Variants in PRKN observed in about 807,000 individuals in gnomAD.
PRKN encodes the protein E3 ubiquitin-protein ligase parkin.
Under a neutral mutation model 59.5 loss-of-function variants are expected in PRKN, and 56 were observed. That is an observed-to-expected ratio of 0.94 (90% CI 0.76 to 1.18). PRKN has a LOEUF of 1.18. Among genes scored for constraint, PRKN ranks in the 50% most tolerant of loss-of-function variants. The pLI is 0.00. For synonymous variants in PRKN, 250 were observed against 222.1 expected (o/e 1.13, Z -1.12); for missense variants, 657 against 596.4 (o/e 1.10, Z -1.06).
chr6:161,845,192 T>A (rs1046676237), intron 6 of PRKN, among the ~76,000 whole-genome samples: 2 of 152,170 alleles, frequency 1.3e-5, no homozygotes, highest in Non-Finnish European at 2.9e-5. Flanking sequence ...ACCAAACAAC[T>A]AATTCTCTGA....
chr6:162,540,908 C>T (rs1778903181), intron 1 of PRKN, among the ~76,000 whole-genome samples: 1 of 151,890 alleles, frequency 6.6e-6, no homozygotes, highest in Non-Finnish European at 1.5e-5. Flanking sequence ...ATACAGAAAA[C>T]AATCTCTAAA....
chr6:161,688,012 A>G (rs1456363596), intron 7 of PRKN, among the ~76,000 whole-genome samples: 1 of 152,074 alleles, frequency 6.6e-6, no homozygotes, highest in Non-Finnish European at 1.5e-5. Flanking sequence ...CACAGAATGA[A>G]TTTTATTTCC....
chr6:162,284,055 GA>G (rs1294382770), intron 2 of PRKN, among the ~76,000 whole-genome samples: 2 of 151,936 alleles, frequency 1.3e-5, no homozygotes, highest in African/African-American at 4.8e-5. Flanking sequence ...ACAAATCTGA[GA>G]ACTTCATGAA....
At chr6:162,164,392 T>G (rs140000287) in intron 4 of PRKN, among the ~76,000 whole-genome samples, 1 of 148,162 alleles carries the variant, frequency 6.7e-6, no homozygotes, top group Non-Finnish European at 1.5e-5. Flanking sequence ...TGTATTTTAG[T>G]AGTGACGGTG....
intron 7 of PRKN, among the ~76,000 whole-genome samples, chr6:161,722,725 A>G (rs1787277012): frequency 2.0e-5 from 3 of 152,218 alleles, no homozygotes; most frequent in Non-Finnish European, 4.4e-5. Flanking sequence ...TGAGATAAAA[A>G]TGGTGTTTTA....
intron 5 of PRKN, among the ~76,000 whole-genome samples, chr6:162,024,529 C>T (rs1321626007): frequency 6.6e-6 from 1 of 152,146 alleles, no homozygotes; most frequent in African/African-American, 2.4e-5. Context: ...TTACATTTAC[C>T]ACTTTTTTGT....
intron 7 of PRKN, among the ~76,000 whole-genome samples, chr6:161,632,049 A>G (rs1021388373): frequency 1.3e-5 from 2 of 152,252 alleles, no homozygotes; most frequent in African/African-American, 4.8e-5. Context: ...TTCAAAGTGC[A>G]TTAAAATAAG....
intron 1 of PRKN, among the ~76,000 whole-genome samples, chr6:162,514,433 C>T (rs542926560): frequency 6.6e-6 from 1 of 152,274 alleles, no homozygotes; most frequent in South Asian, 2.1e-4. Flanking sequence ...TCAATGCATC[C>T]GTTCCTTCCA....
chr6:161,730,546 C>T (rs1387518021), intron 7 of PRKN, among the ~76,000 whole-genome samples: 2 of 151,188 alleles, frequency 1.3e-5, no homozygotes, highest in Non-Finnish European at 2.9e-5. Context: ...TGATGTGTTG[C>T]ATTCTGATAT....
At chr6:162,070,793 T>C (rs1479038596) in intron 4 of PRKN, among the ~76,000 whole-genome samples, 14 of 152,134 alleles carry the variant, frequency 9.2e-5, no homozygotes, top group Non-Finnish European at 1.3e-4. Flanking sequence ...CTGCCACTGA[T>C]TTGACAGGAG....
rs147896984 is a variant in PRKN, at chr6:162,196,538, G to A, written c.534+4593C>T. ...GCTTGCCAATTAGCTATTGTTCACC[G>A]TTTTCCAGTAAGCATTCATATTTCT... On this transcript the variant is annotated intron_variant, in intron 4 of 11. Coordinates refer to ENST00000366898, the MANE Select transcript of PRKN (RefSeq NM_004562.3). Among the ~76,000 whole-genome samples, 35 of 152,262 alleles carry A rather than the reference G, an allele frequency of 2.3e-4. 1 individual carries two copies. The highest frequency in any genetic ancestry group is 7.9e-4 in the African/African-American group (33 of 41,556).
chr6:162,205,417 T>C (rs894059740), intron 3 of PRKN, among the ~76,000 whole-genome samples: 2 of 152,130 alleles, frequency 1.3e-5, no homozygotes, highest in African/African-American at 4.8e-5. Flanking sequence ...GACAGGATAC[T>C]TAGGAAGAGT....
At chr6:161,441,122 G>A (rs571583960) in intron 9 of PRKN, among the ~76,000 whole-genome samples, 6 of 152,204 alleles carry the variant, frequency 3.9e-5, no homozygotes, top group South Asian at 2.1e-4. Context: ...GCCTATCTGC[G>A]GCACAAAACA....
intron 1 of PRKN, among the ~76,000 whole-genome samples, chr6:162,687,188 C>CTTTTTTTTT (rs749381380): frequency 7.4e-6 from 1 of 134,630 alleles, no homozygotes; most frequent in Non-Finnish European, 1.6e-5. Context: ...GCCTCTTTTT[C>CTTTTTTTTT]TTTTTTTTTT....
intron 7 of PRKN, among the ~76,000 whole-genome samples, chr6:161,703,437 T>C (rs1439179734): frequency 6.6e-6 from 1 of 152,200 alleles, no homozygotes; most frequent in Non-Finnish European, 1.5e-5. Flanking sequence ...CAGGTATCAC[T>C]ACATGCCCAT....
chr6:161,675,847 G>A (rs1465456167), intron 7 of PRKN, among the ~76,000 whole-genome samples: 1 of 152,224 alleles, frequency 6.6e-6, no homozygotes, highest in Non-Finnish European at 1.5e-5. Context: ...TGAAGATTGT[G>A]CTTTACATGT....
rs889301327 is a variant in PRKN at position 161,473,603 on chromosome 6, A to C, written c.1083+75251T>G. Reference sequence around the variant, plus strand: ...GGGAATTGTGGCAGAAAATGGGGAGATATGGGTCAAAGCATACAAAGTTAC... The same window carrying C: ...GGGAATTGTGGCAGAAAATGGGGAGCTATGGGTCAAAGCATACAAAGTTAC... On this transcript the variant is annotated intron_variant, in intron 9 of 11. Transcript: ENST00000366898. The surrounding 1 kb of genome is among the most constrained non-coding windows in gnomAD (Gnocchi z 4.1). Among the ~76,000 whole-genome samples, 1 of 151,788 alleles carries C rather than the reference A, an allele frequency of 6.6e-6. No homozygotes were observed. Among genetic ancestry groups the C allele is most frequent in the African/African-American group, 2.4e-5 (1 of 41,316 alleles).
intron 6 of PRKN, among the ~76,000 whole-genome samples, chr6:161,901,613 C>A (rs1777918902): frequency 6.6e-6 from 1 of 152,172 alleles, no homozygotes; most frequent in Admixed American, 6.5e-5. Context: ...GAAACAACGG[C>A]ATTCAGACAA....
intron 6 of PRKN, among the ~76,000 whole-genome samples, chr6:161,791,113 G>T (rs749223022): frequency 7.2e-5 from 11 of 152,030 alleles, no homozygotes; most frequent in Non-Finnish European, 1.6e-4. Flanking sequence ...CACCCCAATG[G>T]GCCAGGTTAA....
Sources: gnomAD v4.1 joint callset for allele counts (sites outside exome capture counted in the v4.1 genomes callset) on GRCh38, gnomAD v4.1.1 for gene constraint, Gnocchi (gnomAD v3.1) non-coding constraint, MANE v1.5 for transcripts, NCBI Gene and HGNC (gene_info 2026-07-23, HGNC 2026-07-21) for gene names.